The following GRID1 variants were observed in gnomAD, a reference collection of about 807,000 sequenced individuals.
The protein encoded by GRID1 is glutamate ionotropic receptor delta type subunit 1, also known as glutamate receptor ionotropic, delta-1.
A neutral mutation model predicts 98.0 loss-of-function variants in GRID1; 28 were observed. The observed-to-expected ratio is 0.29, with a 90% CI of 0.21 to 0.39. The LOEUF is 0.39. GRID1 is among the 10% of genes least tolerant of loss of function. The probability of loss-of-function intolerance (pLI) is 1.00; values close to 1 mark genes in which losing one functional copy is unlikely to be tolerated. For synonymous variants in GRID1, 553 were observed against 538.5 expected (o/e 1.03, Z -0.37); for missense variants, 1,111 against 1,340.5 (o/e 0.83, Z 2.67).
At chr10:85,671,102 T>C (rs1590183494) in intron 12 of GRID1, among the ~76,000 whole-genome samples, 1 of 152,340 alleles carries the variant, frequency 6.6e-6, no homozygotes, top group East Asian at 1.9e-4. Context: ...TTCCTACCTT[T>C]GCCTTGTTAA....
chr10:86,066,231 C>T (rs78720992), intron 4 of GRID1, among the ~76,000 whole-genome samples: 2,448 of 152,180 alleles, frequency 0.016, 74 homozygotes, highest in African/African-American at 0.056. Context: ...CCCAGAGAGA[C>T]GAATTCAGGG....
intron 2 of GRID1, among the ~76,000 whole-genome samples, chr10:86,245,217 G>A (rs1009278379): frequency 6.6e-6 from 1 of 152,210 alleles, no homozygotes; most frequent in African/African-American, 2.4e-5. Flanking sequence ...TTAAGCCAGG[G>A]GAGGGAAGAG....
At chr10:86,037,862 C>T (rs1843289772) in intron 4 of GRID1, among the ~76,000 whole-genome samples, 2 of 151,980 alleles carry the variant, frequency 1.3e-5, no homozygotes, top group African/African-American at 2.4e-5. Flanking sequence ...ATTGTATGGG[C>T]TGAATGTGTC....
chr10:85,605,316 G>T (rs984732180), intron 15 of GRID1: 5 of 152,358 alleles, frequency 3.3e-5, no homozygotes, highest in African/African-American at 1.2e-4. Context: ...GTACCAGGGA[G>T]TCTGGAAGCT....
intron 8 of GRID1, among the ~76,000 whole-genome samples, chr10:85,785,996 G>GTACACATACTATACACATACACA (rs1842425290): frequency 1.3e-5 from 2 of 151,158 alleles, no homozygotes; most frequent in African/African-American, 4.9e-5. Context: ...ACACACACAC[G>GTACACATACTATACACATACACA]TACACATACT....
chr10:86,332,523 CA>C lies in GRID1; in HGVS notation c.235+31417del, dbSNP rs546153920. Among the ~76,000 whole-genome samples the C allele has an allele frequency of 1.1e-4, 16 of 152,158 alleles. No homozygotes were observed. In the South Asian group the frequency reaches 3.3e-3, roughly 32 times the overall value. On this transcript the variant is annotated intron_variant, in intron 2 of 15. Transcript: ENST00000327946. Reference sequence around the variant, plus strand: ...GCCTGACTCCTTTCCCTGCCTTCCCCAGGTGAAGATCCCAATGTCACCCCCA... The same window carrying C: ...GCCTGACTCCTTTCCCTGCCTTCCCCGGTGAAGATCCCAATGTCACCCCCA...
At chr10:85,644,726 C>A (rs1336791789) in intron 13 of GRID1, among the ~76,000 whole-genome samples, 1 of 152,082 alleles carries the variant, frequency 6.6e-6, no homozygotes, top group African/African-American at 2.4e-5. Flanking sequence ...ATGTAAGTGT[C>A]CCATTTTATA....
intron 12 of GRID1, among the ~76,000 whole-genome samples, chr10:85,671,236 C>A (rs897982745): frequency 6.6e-6 from 1 of 152,236 alleles, no homozygotes; most frequent in Non-Finnish European, 1.5e-5. Flanking sequence ...CTGCACTTTG[C>A]AGTTATTGTG....
chr10:85,770,790 A>G (rs1842256680), intron 8 of GRID1, among the ~76,000 whole-genome samples: 1 of 152,210 alleles, frequency 6.6e-6, no homozygotes, highest in Non-Finnish European at 1.5e-5. Context: ...GAATAAAAAG[A>G]AACGAACAAA....
intron 3 of GRID1, among the ~76,000 whole-genome samples, chr10:86,186,731 G>T (rs2132005298): frequency 6.6e-6 from 1 of 152,348 alleles, no homozygotes; most frequent in East Asian, 1.9e-4. Flanking sequence ...GGCATGCAGT[G>T]ATTATTCAAA....
chr10:86,122,708 T>A (rs988626466), intron 4 of GRID1, among the ~76,000 whole-genome samples: 4 of 152,242 alleles, frequency 2.6e-5, no homozygotes, highest in African/African-American at 9.6e-5. Flanking sequence ...GCAAATAGTG[T>A]TCCCCATTTC....
At position 85,968,191 on chromosome 10, in the gene GRID1, C is replaced by T. The variant is rs551538688; in HGVS notation, c.727-51952G>A. Among the ~76,000 whole-genome samples, 3 of 152,112 alleles carry T rather than the reference C, an allele frequency of 2.0e-5. No individual in the cohort carries two copies. The South Asian group carries it at 6.2e-4, about 32-fold the overall frequency. On this transcript the variant is annotated intron_variant, in intron 4 of 15. Transcript: ENST00000327946. ...GCCTGCCAGGTGCAGTGGCTCACTC[C>T]TGTAATCCCAGCACTTTGGGAGGCC...
intron 4 of GRID1, among the ~76,000 whole-genome samples, chr10:86,049,663 GCA>G (rs754222215): frequency 6.6e-5 from 10 of 152,188 alleles, no homozygotes; most frequent in Non-Finnish European, 1.5e-4. Flanking sequence ...ATTTTCCAGG[GCA>G]CTAGGCCTGT....
Position 86,224,997 on chromosome 10 carries a change from G to A in GRID1, c.236-18349C>T, listed in dbSNP as rs138677116. 4.8e-3 allele frequency among the ~76,000 whole-genome samples: 738 copies of A among 152,330 alleles called. 7 individuals carry two copies. The highest frequency in any genetic ancestry group is 0.017 in the African/African-American group (706 of 41,578). On this transcript the variant is annotated intron_variant, in intron 2 of 15. Coordinates refer to ENST00000327946, the MANE Select transcript of GRID1 (RefSeq NM_017551.3). ...TCAGGGTCCCCAAGGCACAGGTGCCGGAGGAATGTTTACTGAAGGAGTGAA... is the reference window on the plus strand; with the variant it reads ...TCAGGGTCCCCAAGGCACAGGTGCCAGAGGAATGTTTACTGAAGGAGTGAA...
chr10:85,803,810 C>A (rs1462852070), intron 8 of GRID1, among the ~76,000 whole-genome samples: 1 of 151,884 alleles, frequency 6.6e-6, no homozygotes, highest in Non-Finnish European at 1.5e-5. Context: ...GTATCCATCA[C>A]CTCACACATT....
intron 8 of GRID1, among the ~76,000 whole-genome samples, chr10:85,740,704 C>G (rs1841933917): frequency 6.6e-6 from 1 of 151,952 alleles, no homozygotes; most frequent in South Asian, 2.1e-4. Flanking sequence ...TGTGGAAATG[C>G]CTTTCATAAT....
intron 2 of GRID1, among the ~76,000 whole-genome samples, chr10:86,245,229 G>A (rs1449220415): frequency 6.6e-6 from 1 of 152,148 alleles, no homozygotes; most frequent in Non-Finnish European, 1.5e-5. Context: ...AGGGAAGAGG[G>A]GACACTACCC....
At position 85,729,560 on chromosome 10, in the gene GRID1, T is replaced by C. The variant is rs3812645; in HGVS notation, c.1288A>G (p.Met430Val). The C allele has an allele frequency of 0.029, 46,183 of 1,612,204 alleles. 1,420 individuals carry two copies. The highest frequency in any genetic ancestry group is 0.15 in the African/African-American group (11,290 of 74,806). ...GLNGSLQERPMGSRLQGLTLK... is the reference protein window; with the variant it reads ...GLNGSLQERPVGSRLQGLTLK... The stretch of plus-strand genomic sequence containing the variant: ...GTCAATCCTTGGAGGCGGCTGCCCA[T>C]GGGCCTCTCTTGCAAGCTGCCATTC... The change falls in exon 9 of 16, where the codon ATG becomes GTG. Residue 430 changes from methionine to valine, a missense_variant. Coordinates refer to ENST00000327946, the MANE Select transcript of GRID1 (RefSeq NM_017551.3).
chr10:85,657,893 C>A (rs1388892078), intron 12 of GRID1, among the ~76,000 whole-genome samples: 1 of 152,168 alleles, frequency 6.6e-6, no homozygotes, highest in Non-Finnish European at 1.5e-5. Context: ...TGTGTGCCTG[C>A]CATTCCATGG....
Sources: gnomAD v4.1 joint callset for allele counts (sites outside exome capture counted in the v4.1 genomes callset) on GRCh38, gnomAD v4.1.1 for gene constraint, MANE v1.5 for transcripts, NCBI Gene and HGNC (gene_info 2026-07-23, HGNC 2026-07-21) for gene names.